The following CPXM2 variants were observed in gnomAD, a reference collection of about 807,000 sequenced individuals.
CPXM2 encodes inactive carboxypeptidase-like protein X2.
CPXM2 carries 66 observed loss-of-function variants against 86.1 expected under a neutral mutation model. The ratio of observed to expected loss-of-function variants is 0.77; its 90% CI spans 0.63 to 0.94. The LOEUF (loss-of-function observed/expected upper bound fraction) is 0.94, where lower values mean the gene tolerates loss of function less well. Among genes scored for constraint, CPXM2 ranks in the 40% least tolerant of loss-of-function variants. CPXM2 has a pLI of 0.00. For synonymous variants in CPXM2, 388 were observed against 400.2 expected, an observed-to-expected ratio of 0.97 and a Z score of 0.36; for missense variants, 948 against 1,026.3, an observed-to-expected ratio of 0.92 and a Z score of 1.04.
intron 7 of CPXM2, among the ~76,000 whole-genome samples, chr10:123,778,389 T>C (rs1846851889): frequency 6.6e-6 from 1 of 152,196 alleles, no homozygotes; most frequent in Admixed American, 6.5e-5. Context: ...GCTTGAACAC[T>C]CTTCAGGATT....
intron 4 of CPXM2, among the ~76,000 whole-genome samples, chr10:123,832,035 A>T (rs1590046719): frequency 6.6e-6 from 1 of 151,774 alleles, no homozygotes; most frequent in East Asian, 1.9e-4. Flanking sequence ...TTATTTTGCC[A>T]ACCATGGGCC....
chr10:123,761,908 T>C lies in CPXM2; in HGVS notation c.1741A>G (p.Thr581Ala), dbSNP rs148621668. ...GTGTGCCAGGAGGCCCCATTGACAG[T>C]GCCCTCCTCCTTCTGGAAGTCCTCC... ...HTEDFQKEEG[T>A]VNGASWHTVA... Residue 581 changes from threonine to alanine, a missense_variant, in exon 11 of 14, where the codon ACT becomes GCT. Physicochemically the swap from Thr to Ala is moderately conservative, Grantham distance 58 (BLOSUM62 0). Coordinates refer to ENST00000241305, the MANE Select transcript of CPXM2 (RefSeq NM_198148.3). The C allele has an allele frequency of 1.2e-6, 2 of 1,613,842 alleles. No homozygotes were observed. The highest frequency in any genetic ancestry group is 1.7e-6 in the Non-Finnish European group (2 of 1,179,892).
chr10:123,797,980 C>G lies in CPXM2; in HGVS notation c.885G>C (p.Leu295=). 6.3e-7 allele frequency: 1 copy of G among 1,598,326 alleles called. No individual in the cohort carries two copies. Among genetic ancestry groups the G allele is most frequent in the Non-Finnish European group, 8.5e-7 (1 of 1,172,434 alleles). The change falls in exon 6 of 14, where the codon CTG becomes CTC. Residue 295 remains leucine (L), a synonymous_variant. Coordinates refer to ENST00000241305, the MANE Select transcript of CPXM2 (RefSeq NM_198148.3). ...AGCACAGGAGGGTGAACTCACCTGG[C>G]AGTGGGCAGCCCAGGATCTCCATTC... ...CMRMEILGCP[L]PDPNNYYHRR...
intron 2 of CPXM2, among the ~76,000 whole-genome samples, chr10:123,925,084 A>G (rs183490169): frequency 6.6e-6 from 1 of 151,772 alleles, no homozygotes; most frequent in East Asian, 2.0e-4. Flanking sequence ...AAGTGTCATG[A>G]TAAGTCATAA....
chr10:123,936,208 C>G (rs190654750), intron 2 of CPXM2, among the ~76,000 whole-genome samples: 11 of 143,716 alleles, frequency 7.7e-5, no homozygotes, highest in Admixed American at 2.1e-4. Flanking sequence ...CTATCATCCC[C>G]ATTTTACAGA....
intron 6 of CPXM2, among the ~76,000 whole-genome samples, chr10:123,786,640 G>C (rs1054516844): frequency 6.6e-6 from 1 of 152,124 alleles, no homozygotes; most frequent in Non-Finnish European, 1.5e-5. Context: ...CCACCACAAC[G>C]GATGGAGACG....
intron 1 of CPXM2, among the ~76,000 whole-genome samples, chr10:123,888,377 C>T (rs1053041657): frequency 4.6e-5 from 7 of 152,156 alleles, no homozygotes; most frequent in Non-Finnish European, 1.0e-4. Flanking sequence ...CCCTCACTCC[C>T]ACCTCAGTGC....
At chr10:123,792,790 G>C (rs1196006688) in intron 6 of CPXM2, among the ~76,000 whole-genome samples, 1 of 152,122 alleles carries the variant, frequency 6.6e-6, no homozygotes, top group Non-Finnish European at 1.5e-5. Context: ...GCATCAGAAG[G>C]TCTGTTATCC....
At chr10:123,876,554 G>A (rs1407009203) in intron 2 of CPXM2, among the ~76,000 whole-genome samples, 1 of 152,112 alleles carries the variant, frequency 6.6e-6, no homozygotes, top group Non-Finnish European at 1.5e-5. Context: ...CCCATGTAAA[G>A]GTCAAATACA....
At chr10:123,854,247 G>A (rs1023077773) in intron 3 of CPXM2, among the ~76,000 whole-genome samples, 2 of 149,406 alleles carry the variant, frequency 1.3e-5, no homozygotes, top group Non-Finnish European at 3.0e-5. Flanking sequence ...CCTGGATGTG[G>A]GCGTGGGAGA....
intron 4 of CPXM2, among the ~76,000 whole-genome samples, chr10:123,830,315 C>A (rs1848137607): frequency 6.6e-6 from 1 of 152,162 alleles, no homozygotes; most frequent in Non-Finnish European, 1.5e-5. Flanking sequence ...TGCAGGTCTA[C>A]CATGCTGGAG....
At chr10:123,854,228 T>C (rs1590068573) in intron 3 of CPXM2, among the ~76,000 whole-genome samples, 1 of 150,302 alleles carries the variant, frequency 6.7e-6, no homozygotes, top group South Asian at 2.1e-4. Flanking sequence ...CAGACTTTTC[T>C]GGGCCCTTCC....
intron 6 of CPXM2, among the ~76,000 whole-genome samples, chr10:123,784,392 C>A (rs1374018398): frequency 2.0e-5 from 3 of 152,156 alleles, no homozygotes; most frequent in Non-Finnish European, 2.9e-5. Flanking sequence ...TTACTCTAAG[C>A]CACCAGTTTG....
At chr10:123,815,058 T>C (rs149114197) in intron 4 of CPXM2, among the ~76,000 whole-genome samples, 7 of 152,294 alleles carry the variant, frequency 4.6e-5, no homozygotes, top group African/African-American at 1.7e-4. Context: ...AATAAATACA[T>C]TTGACACTCC....
intron 2 of CPXM2, among the ~76,000 whole-genome samples, chr10:123,903,986 TCTC>T (rs1266160549): frequency 2.0e-5 from 3 of 151,948 alleles, no homozygotes; most frequent in African/African-American, 7.3e-5. Context: ...GTTCACCCCA[TCTC>T]CTCCAATGCA....
intron 4 of CPXM2, among the ~76,000 whole-genome samples, chr10:123,828,870 G>A (rs1039993509): frequency 1.3e-5 from 2 of 152,184 alleles, no homozygotes; most frequent in Non-Finnish European, 2.9e-5. Flanking sequence ...ATTGAACTTG[G>A]TTGAAATTTA....
chr10:123,786,856 A>G (rs1040569545), intron 6 of CPXM2, among the ~76,000 whole-genome samples: 7 of 152,174 alleles, frequency 4.6e-5, no homozygotes, highest in Non-Finnish European at 1.0e-4. Context: ...CACCTATCTT[A>G]TGTCAAATGT....
intron 3 of CPXM2, among the ~76,000 whole-genome samples, chr10:123,843,571 T>A (rs575544255): frequency 5.0e-4 from 72 of 144,942 alleles, no homozygotes; most frequent in African/African-American, 1.7e-3. Context: ...ATGATCAGAT[T>A]AAAAAAAAAA....
At chr10:123,833,486 A>C (rs1848211386) in intron 4 of CPXM2, among the ~76,000 whole-genome samples, 1 of 152,184 alleles carries the variant, frequency 6.6e-6, no homozygotes, top group Non-Finnish European at 1.5e-5. Context: ...GCTAGGGATA[A>C]ATAGGGCTTG....
Sources: gnomAD v4.1 joint callset for allele counts (sites outside exome capture counted in the v4.1 genomes callset) on GRCh38, gnomAD v4.1.1 for gene constraint, MANE v1.5 for transcripts, NCBI Gene and HGNC (gene_info 2026-07-23, HGNC 2026-07-21) for gene names.